The following SHANK2 variants were observed in gnomAD, a reference collection of about 807,000 sequenced individuals.
The protein encoded by SHANK2 is SH3 and multiple ankyrin repeat domains 2, also known as SH3 and multiple ankyrin repeat domains protein 2.
A neutral mutation model predicts 133.7 loss-of-function variants in SHANK2; 43 were observed. The ratio of observed to expected loss-of-function variants is 0.32; its 90% CI spans 0.25 to 0.41. The LOEUF (loss-of-function observed/expected upper bound fraction) is 0.41. Ranked by LOEUF, SHANK2 falls within the 10% of genes least tolerant of loss-of-function variation. SHANK2 has a pLI of 1.00. For missense variants in SHANK2, 1,994 were observed against 2,235.8 expected, an observed-to-expected ratio of 0.89 and a Z score of 2.18; for synonymous variants, 1,017 against 952.8, an observed-to-expected ratio of 1.07 and a Z score of -1.24.
intron 1 of SHANK2, among the ~76,000 whole-genome samples, chr11:71,227,789 T>C (rs1411635544): frequency 1.3e-5 from 2 of 152,088 alleles, no homozygotes; most frequent in East Asian, 3.8e-4. Context: ...ATGAAATTTA[T>C]AGCATATATT....
At chr11:71,122,901 A>C (rs1221545199) in intron 3 of SHANK2, among the ~76,000 whole-genome samples, 1 of 152,056 alleles carries the variant, frequency 6.6e-6, no homozygotes, top group Non-Finnish European at 1.5e-5. Flanking sequence ...CGTGTCTGGG[A>C]TTTAAGGCAC....
chr11:70,768,909 C>T (rs1489023509), intron 14 of SHANK2, among the ~76,000 whole-genome samples: 4 of 152,082 alleles, frequency 2.6e-5, no homozygotes, highest in Admixed American at 6.5e-5. Flanking sequence ...TCCAGAGACC[C>T]ACTCCAGGGG....
Position 70,864,247 on chromosome 11 carries a change from T to C in SHANK2, c.1174+32254A>G, listed in dbSNP as rs546770639. 8.2e-4 allele frequency: 135 copies of C among 164,988 alleles called. 1 individual carries two copies. Among genetic ancestry groups the C allele is most frequent in the African/African-American group, 3.0e-3 (123 of 41,612 alleles). 10.2% of individuals were successfully genotyped at this position (164,988 alleles called of 1,614,324 possible). A position where few individuals can be genotyped will look rare whatever the true frequency, so the allele number is the denominator to read the frequency against. On this transcript the variant is annotated intron_variant, in intron 11 of 25. Coordinates refer to ENST00000601538, the MANE Select transcript of SHANK2 (RefSeq NM_012309.5). ...GCTCTGCTATTTGCACATTTTGAAA[T>C]TGGAGGTGGGTAGTGAGAAGGGAAA...
At chr11:70,770,492 C>T (rs923999005) in intron 14 of SHANK2, among the ~76,000 whole-genome samples, 1 of 152,230 alleles carries the variant, frequency 6.6e-6, no homozygotes, top group Admixed American at 6.5e-5. Context: ...TGGACAGAAG[C>T]CACTGTGCCT....
chr11:70,704,470 C>T (rs932692046), intron 14 of SHANK2, among the ~76,000 whole-genome samples: 1 of 152,180 alleles, frequency 6.6e-6, no homozygotes, highest in Non-Finnish European at 1.5e-5. Flanking sequence ...CACAGGGGTG[C>T]ATATGTGGGT....
At chr11:70,755,084 T>C (rs1555038482) in intron 14 of SHANK2, among the ~76,000 whole-genome samples, 1 of 152,118 alleles carries the variant, frequency 6.6e-6, no homozygotes. Context: ...TTTTTTTTTT[T>C]TTTCTGAGAT....
chr11:70,887,784 C>T (rs1949769681), intron 11 of SHANK2, among the ~76,000 whole-genome samples: 1 of 152,188 alleles, frequency 6.6e-6, no homozygotes, highest in Non-Finnish European at 1.5e-5. Flanking sequence ...CCAACATCCA[C>T]CCCACACCCA....
chr11:70,647,157 C>T (rs940898026), intron 17 of SHANK2, among the ~76,000 whole-genome samples: 2 of 152,134 alleles, frequency 1.3e-5, no homozygotes, highest in Admixed American at 1.3e-4. Flanking sequence ...TGAGCCACCG[C>T]GCCCAGCCAA....
At chr11:70,608,527 C>T (rs1227149455) in intron 17 of SHANK2, among the ~76,000 whole-genome samples, 1 of 152,206 alleles carries the variant, frequency 6.6e-6, no homozygotes, top group Non-Finnish European at 1.5e-5. Flanking sequence ...GCTTCTTCAT[C>T]TGTAAAATGG....
In SHANK2 at chr11:70,473,133, C is replaced by T; in HGVS notation, c.5286G>A (p.Arg1762=). 3 of 1,614,240 alleles carry T rather than the reference C, an allele frequency of 1.9e-6. No homozygotes were observed. Among genetic ancestry groups the T allele is most frequent in the Non-Finnish European group, 2.5e-6 (3 of 1,180,046 alleles). Residue 1762 remains arginine (R), a synonymous_variant, in exon 26 of 26, where the codon AGG becomes AGA. Coordinates refer to ENST00000601538, the MANE Select transcript of SHANK2 (RefSeq NM_012309.5). The surrounding 1 kb of genome is among the most constrained non-coding windows in gnomAD (Gnocchi z 5.9). ...LFGLNPAGRS[R]SPSPSILQQP... Reference sequence around the variant, plus strand: ...GTTGCAGTATCGAGGGGGATGGCGACCTACTGCGTCCCGCTGGGTTCAAGC... The same window carrying T: ...GTTGCAGTATCGAGGGGGATGGCGATCTACTGCGTCCCGCTGGGTTCAAGC...
chr11:70,832,380 G>A (rs1283463470), intron 11 of SHANK2, among the ~76,000 whole-genome samples: 1 of 152,164 alleles, frequency 6.6e-6, no homozygotes, highest in Non-Finnish European at 1.5e-5. Context: ...CCTCCTCCAG[G>A]AAGTCTCCCT....
At chr11:71,210,091 T>C (rs1030579465) in intron 2 of SHANK2, among the ~76,000 whole-genome samples, 10 of 150,816 alleles carry the variant, frequency 6.6e-5, no homozygotes, top group Non-Finnish European at 7.4e-5. Flanking sequence ...CAAGGGAACT[T>C]CTGAAGGCAG....
intron 14 of SHANK2, among the ~76,000 whole-genome samples, chr11:70,782,842 A>G (rs1156885130): frequency 1.3e-5 from 2 of 152,230 alleles, no homozygotes; most frequent in Admixed American, 6.5e-5. Flanking sequence ...TCGCACACGC[A>G]GCACGTCCGC....
upstream of SHANK2, among the ~76,000 whole-genome samples, chr11:71,253,188 C>A (rs182614515): frequency 6.6e-6 from 1 of 152,152 alleles, no homozygotes; most frequent in Non-Finnish European, 1.5e-5. Context: ...TCGGGTGAAT[C>A]CCAGAGGCCA....
At chr11:70,763,638 T>C (rs962245535) in intron 14 of SHANK2, among the ~76,000 whole-genome samples, 3 of 152,140 alleles carry the variant, frequency 2.0e-5, no homozygotes, top group Non-Finnish European at 4.4e-5. Context: ...CCCTGTGACC[T>C]GGACAGCAGC....
chr11:70,868,080 A>G (rs1949398081), intron 11 of SHANK2, among the ~76,000 whole-genome samples: 1 of 152,276 alleles, frequency 6.6e-6, no homozygotes. Context: ...CGCTGGCAGT[A>G]AGTGTCTAAA....
chr11:70,752,645 G>T (rs1417102816), intron 14 of SHANK2, among the ~76,000 whole-genome samples: 2 of 148,900 alleles, frequency 1.3e-5, no homozygotes, highest in Admixed American at 6.7e-5. Flanking sequence ...GGCGGAGCTT[G>T]CAGTGAGCCG....
At chr11:70,881,245 C>T (rs183233160) in intron 11 of SHANK2, among the ~76,000 whole-genome samples, 10 of 152,148 alleles carry the variant, frequency 6.6e-5, no homozygotes, top group Middle Eastern at 3.4e-3. Flanking sequence ...TGAAGTCTCA[C>T]CATCTCACCC....
chr11:71,066,582 C>A (rs1459810304), intron 9 of SHANK2, among the ~76,000 whole-genome samples: 6 of 152,134 alleles, frequency 3.9e-5, no homozygotes, highest in Non-Finnish European at 8.8e-5. Flanking sequence ...CTCCAGGCCC[C>A]GTCAAGCCAT....
Sources: gnomAD v4.1 joint callset for allele counts (sites outside exome capture counted in the v4.1 genomes callset) on GRCh38, gnomAD v4.1.1 for gene constraint, Gnocchi (gnomAD v3.1) non-coding constraint, MANE v1.5 for transcripts, NCBI Gene and HGNC (gene_info 2026-07-23, HGNC 2026-07-21) for gene names.